RARB: variants seen among roughly 807,000 people sequenced by gnomAD.
RARB encodes the protein HBV-activated protein.
In RARB, 17 loss-of-function variants were observed where a neutral mutation model predicts 51.9. The observed-to-expected ratio is 0.33, with a 90% confidence interval of 0.22 to 0.49. RARB has a LOEUF of 0.49. Among genes scored for constraint, RARB ranks in the 20% least tolerant of loss-of-function variants. The pLI is 0.99. For synonymous variants in RARB, 215 were observed against 195.4 expected, an observed-to-expected ratio of 1.10 and a Z score of -0.84; for missense variants, 369 against 550.8, an observed-to-expected ratio of 0.67 and a Z score of 3.30.
chr3:25,396,173 A>G (rs1287408377), intron 5 of RARB, among the ~76,000 whole-genome samples: 1 of 152,194 alleles, frequency 6.6e-6, no homozygotes, highest in African/African-American at 2.4e-5. Context: ...CTCCAGGCTT[A>G]TAATGGGGAG....
chr3:25,207,801 G>A (rs571812205), intron 5 of RARB, among the ~76,000 whole-genome samples: 2 of 152,312 alleles, frequency 1.3e-5, no homozygotes, highest in African/African-American at 2.4e-5. Flanking sequence ...TAGAATGTGT[G>A]TTAGGCTGTT....
intron 1 of RARB, among the ~76,000 whole-genome samples, chr3:24,829,677 A>G (rs1294270891): frequency 3.3e-5 from 5 of 152,014 alleles, no homozygotes; most frequent in Non-Finnish European, 5.9e-5. Context: ...CTTTATTGCT[A>G]TTGTCTTAGC....
chr3:25,340,040 T>C (rs1705183637), intron 5 of RARB, among the ~76,000 whole-genome samples: 1 of 152,164 alleles, frequency 6.6e-6, no homozygotes, highest in African/African-American at 2.4e-5. Flanking sequence ...AAAAGAAGAC[T>C]GCAGCCTACT....
At chr3:24,966,835 T>C (rs74811489) in intron 2 of RARB, among the ~76,000 whole-genome samples, 649 of 152,296 alleles carry the variant, frequency 4.3e-3, no homozygotes, top group African/African-American at 0.015. Flanking sequence ...ATGTTAAAAA[T>C]CATTCAGGTG....
rs969724756 is a variant in RARB at position 24,896,315 on chromosome 3, C to T, written c.-380+37563C>T. Among the ~76,000 whole-genome samples, 8 of 151,984 alleles carry T rather than the reference C, an allele frequency of 5.3e-5. No homozygotes were observed. The Middle Eastern group carries it at 0.01, about 194-fold the overall frequency. ...TGCTCTGTCACCCAGGCTGGAGTGC[C>T]GTGGCGTGATCTCGGCTCACTGCAA... On this transcript the variant is annotated intron_variant, in intron 2 of 11. Transcript: ENST00000383772.
intron 2 of RARB, among the ~76,000 whole-genome samples, chr3:24,999,945 T>C (rs1026782246): frequency 6.6e-6 from 1 of 151,868 alleles, no homozygotes; most frequent in Non-Finnish European, 1.5e-5. Context: ...AACAGCCACA[T>C]TAATGCAAAA....
chr3:25,154,356 G>A (rs1575185130), intron 4 of RARB, among the ~76,000 whole-genome samples: 1 of 152,200 alleles, frequency 6.6e-6, no homozygotes, highest in East Asian at 1.9e-4. Context: ...TCTGGAGTCA[G>A]CCTTCATTGT....
intron 2 of RARB, among the ~76,000 whole-genome samples, chr3:24,936,876 T>C (rs1307531387): frequency 6.6e-6 from 1 of 152,206 alleles, no homozygotes; most frequent in African/African-American, 2.4e-5. Flanking sequence ...GAGAATGGTC[T>C]CCGGTTAATT....
At chr3:25,528,889 C>A (rs1050191299) in intron 3 of RARB, among the ~76,000 whole-genome samples, 1 of 152,016 alleles carries the variant, frequency 6.6e-6, no homozygotes, top group Non-Finnish European at 1.5e-5. Context: ...CCGTTCTCAT[C>A]TTTGCAAGTT....
chr3:25,362,229 C>A (rs1468765425), intron 5 of RARB, among the ~76,000 whole-genome samples: 5 of 152,192 alleles, frequency 3.3e-5, no homozygotes, highest in Non-Finnish European at 7.3e-5. Flanking sequence ...TACAGCAGCT[C>A]TACCAAGCTG....
intron 5 of RARB, among the ~76,000 whole-genome samples, chr3:25,288,232 C>T (rs1359859587): frequency 6.6e-6 from 1 of 152,000 alleles, no homozygotes; most frequent in African/African-American, 2.4e-5. Flanking sequence ...TAGCCTTAGT[C>T]TGGAGAGAAA....
rs561700751 is a variant in RARB at position 24,918,153 on chromosome 3, TTCA to T, written c.-380+59405_-380+59407del. Among the ~76,000 whole-genome samples the T allele has an allele frequency of 1.7e-3, 265 of 152,332 alleles. 2 individuals carry two copies. Among genetic ancestry groups the T allele is most frequent in the South Asian group, 6.6e-3 (32 of 4,830 alleles). ...TTAAAAAATGCAAACAATCCAAATG[TTCA>T]TCAACTGGTGAATGACTAAACAAAA... is the stretch of plus-strand genomic sequence containing the variant. On this transcript the variant is annotated intron_variant, in intron 2 of 11. Transcript: ENST00000383772.
chr3:25,066,344 A>G (rs79655739), intron 3 of RARB, among the ~76,000 whole-genome samples: 372 of 152,330 alleles, frequency 2.4e-3, no homozygotes, highest in African/African-American at 8.2e-3. Flanking sequence ...AAAATTCAGG[A>G]GAGCATGTGT....
At chr3:25,154,929 G>GAGCA (rs1700350211) in intron 4 of RARB, among the ~76,000 whole-genome samples, 5 of 152,190 alleles carry the variant, frequency 3.3e-5, no homozygotes, top group Admixed American at 3.3e-4. Context: ...GGGGTGGCAT[G>GAGCA]AGCATGGCTT....
At chr3:25,586,050 C>T (rs746847538) in intron 5 of RARB, among the ~76,000 whole-genome samples, 3 of 152,116 alleles carry the variant, frequency 2.0e-5, no homozygotes, top group East Asian at 1.9e-4. Context: ...ATTCTAGCCG[C>T]CCATCTGGCC....
intron 5 of RARB, among the ~76,000 whole-genome samples, chr3:25,263,049 C>T (rs1575268048): frequency 1.3e-5 from 2 of 152,094 alleles, no homozygotes; most frequent in East Asian, 3.9e-4. Flanking sequence ...CCTGGGACCC[C>T]TCTAGGGATC....
At chr3:25,269,495 C>G (rs1469789185) in intron 5 of RARB, among the ~76,000 whole-genome samples, 1 of 152,126 alleles carries the variant, frequency 6.6e-6, no homozygotes, top group Non-Finnish European at 1.5e-5. Flanking sequence ...GTTTATACTT[C>G]AATTTCTTCG....
chr3:25,416,835 C>A (rs888410910), intron 5 of RARB, among the ~76,000 whole-genome samples: 32 of 152,140 alleles, frequency 2.1e-4, no homozygotes, highest in African/African-American at 6.8e-4. Context: ...TTCTATGGGG[C>A]ACTCAGCAAT....
At chr3:25,248,519 G>A (rs1343637017) in intron 5 of RARB, among the ~76,000 whole-genome samples, 2 of 152,090 alleles carry the variant, frequency 1.3e-5, no homozygotes, top group African/African-American at 2.4e-5. Context: ...TCCTTATGGT[G>A]TGTTTGCTCT....
Sources: allele counts gnomAD v4.1 joint callset (sites outside exome capture counted in the v4.1 genomes callset), GRCh38; gene constraint gnomAD v4.1.1; transcripts MANE v1.5; gene names NCBI Gene and HGNC (gene_info 2026-07-23, HGNC 2026-07-21).